SH3RF3: variants seen among roughly 807,000 people sequenced by gnomAD.
SH3RF3 encodes E3 ubiquitin-protein ligase SH3RF3.
Under a neutral mutation model 66.3 loss-of-function variants are expected in SH3RF3, and 29 were observed. The ratio of observed to expected loss-of-function variants is 0.44; its 90% confidence interval spans 0.33 to 0.60. The LOEUF (loss-of-function observed/expected upper bound fraction) is 0.60. Among genes scored for constraint, SH3RF3 ranks in the 20% least tolerant of loss-of-function variants. The pLI is 0.04. For synonymous variants in SH3RF3, 583 were observed against 532.0 expected (o/e 1.10, Z -1.32); for missense variants, 1,194 against 1,190.9 (o/e 1.00, Z -0.04).
intron 1 of SH3RF3, among the ~76,000 whole-genome samples, chr2:109,232,527 G>A (rs772486300): frequency 1.1e-4 from 17 of 152,222 alleles, no homozygotes; most frequent in Non-Finnish European, 1.5e-4. Context: ...ACAGCACAGC[G>A]TCTCCCATGC....
At chr2:109,227,432 C>G (rs546149782) in intron 1 of SH3RF3, among the ~76,000 whole-genome samples, 1 of 152,182 alleles carries the variant, frequency 6.6e-6, no homozygotes, top group African/African-American at 2.4e-5. Flanking sequence ...CAAGTTCTCA[C>G]AGTCAAGTAA....
chr2:109,178,704 G>A (rs745751708), intron 1 of SH3RF3, among the ~76,000 whole-genome samples: 3 of 152,106 alleles, frequency 2.0e-5, no homozygotes, highest in Admixed American at 6.6e-5. Flanking sequence ...TTCTTGTGTC[G>A]TTCACATAGA....
At chr2:109,420,831 C>T (rs1676858099) in intron 5 of SH3RF3, among the ~76,000 whole-genome samples, 1 of 152,218 alleles carries the variant, frequency 6.6e-6, no homozygotes, top group Admixed American at 6.5e-5. Context: ...GCTGCTGGCA[C>T]ACACTCACCC....
intron 1 of SH3RF3, among the ~76,000 whole-genome samples, chr2:109,247,058 A>G (rs945582530): frequency 1.3e-5 from 2 of 152,238 alleles, no homozygotes. Flanking sequence ...TCACAACTAC[A>G]TTCAACTCTA....
chr2:109,260,833 C>T (rs1680336032), intron 1 of SH3RF3, among the ~76,000 whole-genome samples: 1 of 152,204 alleles, frequency 6.6e-6, no homozygotes, highest in South Asian at 2.1e-4. Flanking sequence ...GGACTTCTTC[C>T]TCCCCTACAG....
At chr2:109,432,325 T>C (rs763433858) in intron 5 of SH3RF3, among the ~76,000 whole-genome samples, 176 bp from the exon 6 acceptor site, 4 of 152,136 alleles carry the variant, frequency 2.6e-5, no homozygotes, top group Non-Finnish European at 5.9e-5. Context: ...GGGTTTGTTA[T>C]GAGGAGTGAG....
chr2:109,221,517 G>T (rs1365236873), intron 1 of SH3RF3, among the ~76,000 whole-genome samples: 1 of 151,534 alleles, frequency 6.6e-6, no homozygotes, highest in Non-Finnish European at 1.5e-5. Flanking sequence ...GGGAGGCAGA[G>T]GCTGCGGTAA....
At position 109,293,901 on chromosome 2, in the gene SH3RF3, C is replaced by T. The variant is rs140114890; in HGVS notation, c.574-53773C>T. ...TGTGAAACAGCCTGAGGCTTGTTGC[C>T]GAGTAGCCCTGACTCTTTACCAATG... On this transcript the variant is annotated intron_variant, in intron 1 of 9. Transcript: ENST00000309415. Among the ~76,000 whole-genome samples, 462 of 152,292 alleles carry T rather than the reference C, an allele frequency of 3.0e-3. 4 individuals carry two copies. The highest frequency in any genetic ancestry group is 0.011 in the African/African-American group (447 of 41,560).
intron 7 of SH3RF3, among the ~76,000 whole-genome samples, chr2:109,443,585 A>G (rs1677630931): frequency 6.6e-6 from 1 of 152,238 alleles, no homozygotes; most frequent in Non-Finnish European, 1.5e-5. Context: ...GCTAATATTA[A>G]TCAAAAGAAA....
intron 3 of SH3RF3, among the ~76,000 whole-genome samples, chr2:109,373,722 T>G (rs1683323790): frequency 6.6e-6 from 1 of 152,096 alleles, no homozygotes; most frequent in Non-Finnish European, 1.5e-5. Flanking sequence ...CTGCACAGAT[T>G]ATGCTGCTGT....
At chr2:109,472,060 A>C (rs940984891) in intron 8 of SH3RF3, among the ~76,000 whole-genome samples, 5 of 152,354 alleles carry the variant, frequency 3.3e-5, no homozygotes, top group African/African-American at 1.2e-4. Flanking sequence ...CTGACATCTC[A>C]GCTTCTTTCA....
intron 4 of SH3RF3, among the ~76,000 whole-genome samples, chr2:109,403,107 A>C (rs535020797): frequency 2.0e-5 from 3 of 150,264 alleles, no homozygotes; most frequent in African/African-American, 7.6e-5. Context: ...TAAAATAGAA[A>C]GGAAGCGTGC....
At chr2:109,288,779 G>T (rs1681097173) in intron 1 of SH3RF3, among the ~76,000 whole-genome samples, 2 of 151,818 alleles carry the variant, frequency 1.3e-5, no homozygotes, top group South Asian at 2.1e-4. Flanking sequence ...ACAGCAGATG[G>T]CTAGAAAGCT....
chr2:109,404,891 G>A lies in SH3RF3; in HGVS notation c.1299+5948G>A, dbSNP rs553105653. 2.0e-5 allele frequency among the ~76,000 whole-genome samples: 3 copies of A among 152,200 alleles called. No homozygotes were observed. The East Asian group carries it at 5.8e-4, about 29-fold the overall frequency. Reference sequence around the variant, plus strand: ...ACCTCTTGGCAGCACTTGACGCTGTGGACAGCACCCCTTCCTGAACCTGTC... The same window carrying A: ...ACCTCTTGGCAGCACTTGACGCTGTAGACAGCACCCCTTCCTGAACCTGTC... On this transcript the variant is annotated intron_variant, in intron 4 of 9. Coordinates refer to ENST00000309415, the MANE Select transcript of SH3RF3 (RefSeq NM_001099289.3).
chr2:109,478,332 T>C (rs2104753780), intron 8 of SH3RF3, among the ~76,000 whole-genome samples: 1 of 152,352 alleles, frequency 6.6e-6, no homozygotes, highest in South Asian at 2.1e-4. Flanking sequence ...TCTGAAAATG[T>C]GTCCTTTGAG....
intron 2 of SH3RF3, among the ~76,000 whole-genome samples, chr2:109,364,816 TGTG>T (rs1233045436): frequency 6.6e-6 from 1 of 152,180 alleles, no homozygotes; most frequent in East Asian, 1.9e-4. Context: ...GGGGGCCAGA[TGTG>T]GTGGCTCACC....
At chr2:109,501,448 A>G (rs1229620323) in intron 9 of SH3RF3, 55 bp from the exon 10 acceptor site, 1 of 731,016 alleles carries the variant, frequency 1.4e-6, no homozygotes, top group Admixed American at 1.9e-5. Flanking sequence ...AGAAAGCACG[A>G]CCCAGCAGAT....
intron 1 of SH3RF3, among the ~76,000 whole-genome samples, chr2:109,238,965 C>T (rs1470361118): frequency 6.6e-6 from 1 of 152,190 alleles, no homozygotes; most frequent in Non-Finnish European, 1.5e-5. Flanking sequence ...GTTGGCTTTT[C>T]TGCCTCCAGT....
At chr2:109,315,093 C>T (rs1681842848) in intron 1 of SH3RF3, among the ~76,000 whole-genome samples, 1 of 152,248 alleles carries the variant, frequency 6.6e-6, no homozygotes, top group South Asian at 2.1e-4. Flanking sequence ...GAAAGTTCCA[C>T]TGGACAGCAC....
Sources: gnomAD v4.1 joint callset for allele counts (sites outside exome capture counted in the v4.1 genomes callset) on GRCh38, gnomAD v4.1.1 for gene constraint, MANE v1.5 for transcripts, NCBI Gene and HGNC (gene_info 2026-07-23, HGNC 2026-07-21) for gene names.